Variants in NTN1 observed in about 807,000 individuals in gnomAD.
NTN1 encodes netrin-1.
Under a neutral mutation model 54.2 loss-of-function variants are expected in NTN1, and 11 were observed. The observed-to-expected ratio is 0.20, with a 90% CI of 0.13 to 0.34. NTN1 has a LOEUF of 0.34. Ranked by LOEUF, NTN1 falls within the 10% of genes least tolerant of loss-of-function variation. NTN1 has a pLI of 1.00. For synonymous variants in NTN1, 371 were observed against 382.0 expected, an observed-to-expected ratio of 0.97 and a Z score of 0.33; for missense variants, 740 against 893.1, an observed-to-expected ratio of 0.83 and a Z score of 2.18.
At chr17:9,026,174 C>A (rs2091869947) in intron 2 of NTN1, among the ~76,000 whole-genome samples, 1 of 152,148 alleles carries the variant, frequency 6.6e-6, no homozygotes, top group African/African-American at 2.4e-5. Flanking sequence ...AGAAAACCCC[C>A]TAAAATTTAC....
intron 2 of NTN1, among the ~76,000 whole-genome samples, chr17:9,120,693 G>T (rs1371978174): frequency 6.6e-6 from 1 of 152,172 alleles, no homozygotes; most frequent in African/African-American, 2.4e-5. Flanking sequence ...GTGGTAGTGT[G>T]GGTTGATGTG....
In NTN1 at chr17:9,207,697, C is replaced by T. The variant is rs79929706; in HGVS notation, c.1412-13471C>T. 3.7e-3 allele frequency among the ~76,000 whole-genome samples: 557 copies of T among 152,310 alleles called. 1 individual carries two copies. Among genetic ancestry groups the T allele is most frequent in the Non-Finnish European group, 6.7e-3 (456 of 68,028 alleles). On this transcript the variant is annotated intron_variant, in intron 5 of 6. Coordinates refer to ENST00000173229, the MANE Select transcript of NTN1 (RefSeq NM_004822.3). ...AGTCTGAGACCATTGCCACTGGAGC[C>T]GCGGATTGTATCCTGGGGTCCAGGA...
chr17:9,205,915 A>T (rs1384586671), intron 5 of NTN1, among the ~76,000 whole-genome samples: 1 of 152,252 alleles, frequency 6.6e-6, no homozygotes, highest in Non-Finnish European at 1.5e-5. Context: ...TTGGGTGGAA[A>T]GCACTTTGGT....
the NTN1 span, among the ~76,000 whole-genome samples, chr17:9,006,522 G>C: frequency 6.6e-6 from 1 of 152,106 alleles, no homozygotes; most frequent in African/African-American, 2.4e-5. Flanking sequence ...GAGATGTGAG[G>C]TGTGTGTGTG....
At chr17:9,234,031 C>G (rs1367120225) in intron 6 of NTN1, among the ~76,000 whole-genome samples, 3 of 152,208 alleles carry the variant, frequency 2.0e-5, no homozygotes, top group African/African-American at 4.8e-5. Context: ...GGCAGGCTGC[C>G]CTTGTTGACT....
Position 9,188,858 on chromosome 17 carries a change from C to CA in NTN1, c.1411+5890dup, listed in dbSNP as rs199783767. ...GGAGACCACTGACAGGAGGGGGGAT[C>CA]ACTGGAGACCGTGCAGACAGCCCAG... On this transcript the variant is annotated intron_variant, in intron 5 of 6. Transcript: ENST00000173229. 7.2e-4 allele frequency among the ~76,000 whole-genome samples: 109 copies of CA among 152,234 alleles called. 3 individuals are homozygous for CA. In the East Asian group the frequency reaches 0.016, roughly 22 times the overall value.
Position 9,225,713 on chromosome 17 carries a change from C to CGGGCGGGCCA in NTN1, c.1486+4481_1486+4490dup, listed in dbSNP as rs1555578583. On this transcript the variant is annotated intron_variant, in intron 6 of 6. Transcript: ENST00000173229. Reference sequence around the variant, plus strand: ...GAGAGAGCAGGGGAGGCCGCCAAACCGGGCGGGCCAGGGCGGGCCGGGCAG... The same window carrying CGGGCGGGCCA: ...GAGAGAGCAGGGGAGGCCGCCAAACCGGGCGGGCCAGGGCGGGCCAGGGCGGGCCGGGCAG... Among the ~76,000 whole-genome samples the CGGGCGGGCCA allele has an allele frequency of 1.5e-3, 235 of 152,126 alleles. 3 individuals carry two copies. Among genetic ancestry groups the CGGGCGGGCCA allele is most frequent in the African/African-American group, 5.2e-3 (215 of 41,504 alleles).
chr17:9,136,030 G>A (rs759698723), intron 2 of NTN1, among the ~76,000 whole-genome samples: 4 of 152,100 alleles, frequency 2.6e-5, no homozygotes, highest in Non-Finnish European at 4.4e-5. Context: ...CCATTTCCTC[G>A]TGTCCCCCTG....
intron 2 of NTN1, among the ~76,000 whole-genome samples, chr17:9,149,968 G>A (rs978491842): frequency 4.6e-5 from 7 of 152,090 alleles, no homozygotes; most frequent in East Asian, 3.9e-4. Context: ...TTGGGAGGTC[G>A]AGGAGGGTGC....
intron 2 of NTN1, among the ~76,000 whole-genome samples, chr17:9,109,334 T>C (rs963608640): frequency 6.6e-6 from 1 of 152,252 alleles, no homozygotes; most frequent in Non-Finnish European, 1.5e-5. Flanking sequence ...TTTAATTACA[T>C]GTATGCATCT....
At chr17:9,185,587 G>T (rs969178632) in intron 5 of NTN1, among the ~76,000 whole-genome samples, 1 of 151,846 alleles carries the variant, frequency 6.6e-6, no homozygotes, top group East Asian at 1.9e-4. Flanking sequence ...CGTAGTGTCT[G>T]TGGGGGTCTG....
chr17:9,098,247 C>G (rs2092138548), intron 2 of NTN1, among the ~76,000 whole-genome samples: 1 of 152,196 alleles, frequency 6.6e-6, no homozygotes, highest in Non-Finnish European at 1.5e-5. Context: ...TATTTGTTAC[C>G]TATTTATTCT....
At chr17:9,152,051 C>A (rs2092329073) in intron 2 of NTN1, among the ~76,000 whole-genome samples, 1 of 152,120 alleles carries the variant, frequency 6.6e-6, no homozygotes, top group South Asian at 2.1e-4. Flanking sequence ...AAAAGCTGGC[C>A]CCCCGCGGGC....
chr17:9,090,921 C>T (rs2092108415), intron 2 of NTN1, among the ~76,000 whole-genome samples: 1 of 152,102 alleles, frequency 6.6e-6, no homozygotes, highest in South Asian at 2.1e-4. Flanking sequence ...GTCCTCCCCT[C>T]CACCGGGACC....
At chr17:9,009,779 C>CA in the NTN1 span, among the ~76,000 whole-genome samples, 2 of 152,076 alleles carry the variant, frequency 1.3e-5, no homozygotes, top group Admixed American at 6.5e-5. Context: ...AAAATCATGA[C>CA]TTTTTTCCCC....
At chr17:9,227,709 C>CAT (rs58837652) in intron 6 of NTN1, among the ~76,000 whole-genome samples, 7 of 149,722 alleles carry the variant, frequency 4.7e-5, no homozygotes, top group African/African-American at 7.4e-5. Flanking sequence ...ACGTATCACA[C>CAT]GCACACACAC....
intron 2 of NTN1, among the ~76,000 whole-genome samples, chr17:9,099,803 A>G (rs1397076227): frequency 6.6e-6 from 1 of 152,192 alleles, no homozygotes; most frequent in African/African-American, 2.4e-5. Flanking sequence ...CCTATGTAAT[A>G]GGCAAAATAG....
intron 2 of NTN1, among the ~76,000 whole-genome samples, chr17:9,129,895 C>T (rs572442805): frequency 6.6e-6 from 1 of 152,142 alleles, no homozygotes; most frequent in African/African-American, 2.4e-5. Context: ...AAATCTCAGC[C>T]CAACAGAGTC....
At chr17:9,129,253 T>G (rs1262470938) in intron 2 of NTN1, among the ~76,000 whole-genome samples, 1 of 152,092 alleles carries the variant, frequency 6.6e-6, no homozygotes, top group Non-Finnish European at 1.5e-5. Context: ...CCAAGGCTCC[T>G]GAGTGGCTGG....
Sources: allele counts gnomAD v4.1 joint callset (sites outside exome capture counted in the v4.1 genomes callset), GRCh38; gene constraint gnomAD v4.1.1; transcripts MANE v1.5; gene names NCBI Gene and HGNC (gene_info 2026-07-23, HGNC 2026-07-21).